The following TYK2 variants were observed in gnomAD, a reference collection of about 807,000 sequenced individuals.
TYK2 encodes the protein non-receptor tyrosine-protein kinase TYK2.
A neutral mutation model predicts 130.9 loss-of-function variants in TYK2; 65 were observed. The observed-to-expected ratio is 0.50, with a 90% CI of 0.41 to 0.61. TYK2 has a LOEUF of 0.61. Among genes scored for constraint, TYK2 ranks in the 20% least tolerant of loss-of-function variants. TYK2 has a pLI of 0.00. For missense variants in TYK2, 1,378 were observed against 1,610.7 expected, an observed-to-expected ratio of 0.86 and a Z score of 2.47; for synonymous variants, 647 against 658.9, an observed-to-expected ratio of 0.98 and a Z score of 0.28.
intron 23 of TYK2, among the ~76,000 whole-genome samples, chr19:10,351,823 T>C (rs203999): frequency 0.2 from 29,833 of 151,258 alleles, 3,577 homozygotes; most frequent in African/African-American, 0.34. Flanking sequence ...ACTGCAACCT[T>C]CGCCTACCGG....
Position 10,361,257 on chromosome 19 carries a change from G to A in TYK2, c.2047+254C>T, listed in dbSNP as rs554095246. The A allele has an allele frequency of 1.2e-5, 7 of 605,052 alleles. No individual in the cohort carries two copies. In the South Asian group the frequency reaches 1.3e-4, roughly 11 times the overall value. The allele number at this position is 605,052 out of a possible 1,614,324, so 37.5% of individuals were successfully genotyped here. ...GTTGATGGAAGTGGGGATGTAGTTG[G>A]GAATCAGGGTGGGGGTTGAGACTGA... On this transcript the variant is annotated intron_variant, in intron 14 of 24. Coordinates refer to ENST00000525621, the MANE Select transcript of TYK2 (RefSeq NM_003331.5). The surrounding 1 kb of genome is among the most constrained non-coding windows in gnomAD (Gnocchi z 4.0).
chr19:10,356,512 A>T, intron 18 of TYK2, 56 bp downstream of exon 18: 2 of 1,605,342 alleles, frequency 1.2e-6, no homozygotes, highest in Non-Finnish European at 1.7e-6. Context: ...GGCATACAGC[A>T]GGGATCCCAG....
chr19:10,377,017 T>C (rs2042144674), intron 3 of TYK2, among the ~76,000 whole-genome samples: 1 of 152,120 alleles, frequency 6.6e-6, no homozygotes, highest in Non-Finnish European at 1.5e-5. Flanking sequence ...TCCTCTTGCC[T>C]CAGGCTCTCA....
In TYK2 at chr19:10,380,542, C is replaced by G. The variant is rs1407591441; in HGVS notation, c.-348G>C. 1.3e-5 allele frequency: 2 copies of G among 152,492 alleles called. No homozygotes were observed. Among genetic ancestry groups the G allele is most frequent in the Non-Finnish European group, 2.9e-5 (2 of 68,124 alleles). 9.4% of individuals were successfully genotyped at this position (152,492 alleles called of 1,614,324 possible). ...GGGGAACACAAGCTCGAACCCGGAC[C>G]CCTCCCCGCTCCCGCGGGTAGCTAC... On this transcript the variant is annotated 5_prime_UTR_variant, in exon 1 of 25. Transcript: ENST00000525621.
intron 3 of TYK2, among the ~76,000 whole-genome samples, chr19:10,372,444 G>A (rs1181248336): frequency 3.6e-5 from 4 of 110,506 alleles, no homozygotes; most frequent in Non-Finnish European, 7.0e-5. Context: ...ACAGGAACAC[G>A]CCACCACACA....
In TYK2 at chr19:10,361,627, G is replaced by A. The variant is rs377305991; in HGVS notation, c.1960-29C>T. 460 of 1,549,788 alleles carry A rather than the reference G, an allele frequency of 3.0e-4. 3 individuals are homozygous for A. In the African/African-American group the frequency reaches 5.3e-3, roughly 18 times the overall value. ...TGGGGACCGGGCAGGTCAGGTGGCT[G>A]CAAAGCCGACCCCTCCCATCCCACC... On this transcript the variant is annotated intron_variant, in intron 13 of 24. Transcript: ENST00000525621. The surrounding 1 kb of genome is among the most constrained non-coding windows in gnomAD (Gnocchi z 4.0).
At chr19:10,357,723 G>T in intron 17 of TYK2, 41 bp downstream of exon 17, 1 of 1,564,932 alleles carries the variant, frequency 6.4e-7, no homozygotes. Flanking sequence ...TCTTGGAGGG[G>T]CCCCCACTGC....
chr19:10,365,725 G>A lies in TYK2; in HGVS notation c.803C>T (p.Pro268Leu), dbSNP rs2041629888. 6.2e-6 allele frequency: 10 copies of A among 1,613,068 alleles called. No homozygotes were observed. The highest frequency in any genetic ancestry group is 8.5e-6 in the Non-Finnish European group (10 of 1,179,840). Residue 268 changes from proline to leucine, a missense_variant, in exon 7 of 25, where the codon CCC (proline) becomes CTC (leucine). Physicochemically the swap from Pro to Leu is moderately conservative, Grantham distance 98. Transcript: ENST00000525621. ...GGGCACACGCTCTGTGCCGAAGCGG[G>A]GTGCCAGCCGCTCGAGTGTGGCTAG... ...KYLATLERLA[P>L]RFGTERVPVC...
intron 22 of TYK2, 27 bp downstream of exon 22, chr19:10,352,899 C>G: frequency 6.3e-7 from 1 of 1,589,122 alleles, no homozygotes; most frequent in Non-Finnish European, 8.6e-7. Flanking sequence ...CCCCAGCACC[C>G]CCTCAGACTG....
intron 15 of TYK2, among the ~76,000 whole-genome samples, chr19:10,358,553 A>G (rs1321914097): frequency 2.0e-5 from 3 of 151,852 alleles, no homozygotes; most frequent in East Asian, 1.9e-4. Context: ...TCCTGAGCTC[A>G]GGTGATCCTC....
At chr19:10,366,361 G>A (rs979553282) in intron 6 of TYK2, 56 bp downstream of exon 6, 5 of 1,563,044 alleles carry the variant, frequency 3.2e-6, no homozygotes, top group Non-Finnish European at 4.4e-6. Flanking sequence ...CTGGCTCCCA[G>A]ATGCTCAGGA....
At chr19:10,372,330 G>T (rs2041940264) in intron 3 of TYK2, among the ~76,000 whole-genome samples, 1 of 140,460 alleles carries the variant, frequency 7.1e-6, no homozygotes, top group African/African-American at 2.7e-5. Context: ...ATCTTGCTCT[G>T]ACATATAGGC....
rs148018985 is a variant in TYK2 at position 10,375,784 on chromosome 19, G to A, written c.193+2430C>T. 6.7e-3 allele frequency among the ~76,000 whole-genome samples: 1,016 copies of A among 150,938 alleles called. 14 individuals are homozygous for A. The highest frequency in any genetic ancestry group is 0.023 in the African/African-American group (942 of 41,120). ...ACAAAAAAAAAAAAAAAATCTAGCC[G>A]GGCATGGTGGCACACACCTGTAGTC... is the stretch of plus-strand genomic sequence containing the variant. On this transcript the variant is annotated intron_variant, in intron 3 of 24. Coordinates refer to ENST00000525621, the MANE Select transcript of TYK2 (RefSeq NM_003331.5).
chr19:10,376,755 C>A (rs919861567), intron 3 of TYK2, among the ~76,000 whole-genome samples: 1 of 151,958 alleles, frequency 6.6e-6, no homozygotes, highest in East Asian at 1.9e-4. Context: ...GGTGCGCACC[C>A]CACGCCCGGC....
At chr19:10,378,460 T>C in intron 2 of TYK2, 34 bp from the exon 3 acceptor site, 1 of 1,571,304 alleles carries the variant, frequency 6.4e-7, no homozygotes, top group African/African-American at 1.3e-5. Flanking sequence ...CTCCCAAGTC[T>C]CAGCCCAGAG....
intron 3 of TYK2, among the ~76,000 whole-genome samples, chr19:10,373,550 C>T (rs1357301681): frequency 6.6e-6 from 1 of 152,130 alleles, no homozygotes; most frequent in Non-Finnish European, 1.5e-5. Context: ...ATGCTGGTCT[C>T]AAACTCCTAA....
rs528647550 is a variant in TYK2, at chr19:10,364,376, G to A, written c.1367+238C>T. 4.5e-4 allele frequency among the ~76,000 whole-genome samples: 69 copies of A among 152,264 alleles called. No individual in the cohort carries two copies. The highest frequency in any genetic ancestry group is 1.6e-3 in the African/African-American group (66 of 41,556). ...AATACAAAAATTAGCCTGGCATGGT[G>A]GCGAGTGCCTGTAGTCCCAGGTAGT... On this transcript the variant is annotated intron_variant, in intron 9 of 24. Coordinates refer to ENST00000525621, the MANE Select transcript of TYK2 (RefSeq NM_003331.5). This position sits in a 1 kb window ranked among gnomAD's most constrained non-coding sequence, Gnocchi z 4.9.
intron 3 of TYK2, among the ~76,000 whole-genome samples, chr19:10,370,876 A>G (rs1015777798): frequency 1.3e-5 from 2 of 151,944 alleles, no homozygotes; most frequent in African/African-American, 4.8e-5. Flanking sequence ...GGTGGCTCAC[A>G]TCTGTAATCC....
At chr19:10,376,753 C>T (rs1165014807) in intron 3 of TYK2, among the ~76,000 whole-genome samples, 1 of 152,074 alleles carries the variant, frequency 6.6e-6, no homozygotes, top group Non-Finnish European at 1.5e-5. Flanking sequence ...CAGGTGCGCA[C>T]CCCACGCCCG....
Sources: allele counts gnomAD v4.1 joint callset (sites outside exome capture counted in the v4.1 genomes callset), GRCh38; gene constraint gnomAD v4.1.1; non-coding constraint Gnocchi (gnomAD v3.1); transcripts MANE v1.5; gene names NCBI Gene and HGNC (gene_info 2026-07-23, HGNC 2026-07-21).